The following ZNF892 variants were observed in gnomAD, a reference collection of about 807,000 sequenced individuals.
ZNF892 encodes zinc finger protein 892.
chr2:95,208,396 A>G, the ZNF892 span, among the ~76,000 whole-genome samples: 175 of 152,342 alleles, frequency 1.1e-3, no homozygotes, highest in Admixed American at 2.4e-3. Flanking sequence ...ACTACTTAGC[A>G]CATGCAATAT....
the ZNF892 span, among the ~76,000 whole-genome samples, chr2:95,258,907 G>A: frequency 4.6e-5 from 7 of 152,168 alleles, no homozygotes; most frequent in Non-Finnish European, 1.0e-4. Flanking sequence ...ACACATTTAT[G>A]TAAGTTTTAC....
At chr2:95,229,322 A>G in the ZNF892 span, among the ~76,000 whole-genome samples, 1 of 152,198 alleles carries the variant, frequency 6.6e-6, no homozygotes, top group Non-Finnish European at 1.5e-5. Flanking sequence ...GATCTTCAGT[A>G]TATGCTTGGT....
At chr2:95,254,881 A>T in the ZNF892 span, among the ~76,000 whole-genome samples, 1 of 152,180 alleles carries the variant, frequency 6.6e-6, no homozygotes, top group African/African-American at 2.4e-5. Flanking sequence ...AGGTGTTTAT[A>T]GTATTCTCTG....
At chr2:95,251,463 G>A in the ZNF892 span, among the ~76,000 whole-genome samples, 1 of 152,194 alleles carries the variant, frequency 6.6e-6, no homozygotes, top group Non-Finnish European at 1.5e-5. Flanking sequence ...CTTAACATTA[G>A]TTAGCCTTTC....
At chr2:95,247,075 G>C in the ZNF892 span, among the ~76,000 whole-genome samples, 1 of 152,130 alleles carries the variant, frequency 6.6e-6, no homozygotes, top group Non-Finnish European at 1.5e-5. Flanking sequence ...AAAGCACAAA[G>C]CTGGAAGCAT....
At chr2:95,210,191 GTGTATATA>G in the ZNF892 span, among the ~76,000 whole-genome samples, 1 of 146,474 alleles carries the variant, frequency 6.8e-6, no homozygotes. Context: ...ATATGTATAT[GTGTATATA>G]TGTATATATG....
the ZNF892 span, among the ~76,000 whole-genome samples, chr2:95,223,621 G>A: frequency 6.6e-6 from 1 of 152,068 alleles, no homozygotes; most frequent in African/African-American, 2.4e-5. Flanking sequence ...GGCTGGTCTT[G>A]AAATCATGAG....
the ZNF892 span, among the ~76,000 whole-genome samples, chr2:95,227,707 C>T: frequency 6.6e-6 from 1 of 152,064 alleles, no homozygotes; most frequent in Non-Finnish European, 1.5e-5. Context: ...ACCTTGAACT[C>T]CTGGGCTCAA....
the ZNF892 span, among the ~76,000 whole-genome samples, chr2:95,226,928 A>G: frequency 6.6e-6 from 1 of 152,172 alleles, no homozygotes; most frequent in Admixed American, 6.5e-5. Flanking sequence ...TTGAGTCCCA[A>G]AGTCCCAGGG....
chr2:95,211,851 T>C, the ZNF892 span: 7 of 396,982 alleles, frequency 1.8e-5, no homozygotes, highest in Non-Finnish European at 3.1e-5. Flanking sequence ...AGGCAATTTC[T>C]GCCTTTTGTT....
At chr2:95,234,262 A>G in the ZNF892 span, among the ~76,000 whole-genome samples, 1 of 152,248 alleles carries the variant, frequency 6.6e-6, no homozygotes, top group East Asian at 1.9e-4. Flanking sequence ...AGGAGCATTT[A>G]TTTGGAAACA....
At chr2:95,207,907 G>A in the ZNF892 span, 1 of 398,532 alleles carries the variant, frequency 2.5e-6, no homozygotes, top group East Asian at 3.6e-5. Context: ...ACCTCTGGCT[G>A]GCGCAGGCTC....
At chr2:95,215,911 G>C in the ZNF892 span, among the ~76,000 whole-genome samples, 1 of 152,174 alleles carries the variant, frequency 6.6e-6, no homozygotes, top group Non-Finnish European at 1.5e-5. Flanking sequence ...CATCTTGACT[G>C]TGCCAGGTAT....
At chr2:95,257,341 A>C in the ZNF892 span, among the ~76,000 whole-genome samples, 2 of 152,136 alleles carry the variant, frequency 1.3e-5, no homozygotes, top group Non-Finnish European at 2.9e-5. Context: ...TCTACTCCAG[A>C]CCCTGTTTGC....
At chr2:95,235,306 C>A in the ZNF892 span, among the ~76,000 whole-genome samples, 1 of 152,026 alleles carries the variant, frequency 6.6e-6, no homozygotes, top group Non-Finnish European at 1.5e-5. Flanking sequence ...GTTTAATGCA[C>A]CTCCTGGTTT....
chr2:95,219,889 A>G, the ZNF892 span, among the ~76,000 whole-genome samples: 3 of 152,202 alleles, frequency 2.0e-5, no homozygotes, highest in Non-Finnish European at 4.4e-5. Flanking sequence ...TGCTGACACC[A>G]CACTGGCTGG....
the ZNF892 span, among the ~76,000 whole-genome samples, chr2:95,227,607 C>T: frequency 2.6e-5 from 4 of 151,858 alleles, no homozygotes; most frequent in Non-Finnish European, 5.9e-5. Flanking sequence ...CAGGCCTGAG[C>T]CACTGCGCCC....
chr2:95,245,414 T>A, the ZNF892 span, among the ~76,000 whole-genome samples: 7 of 145,386 alleles, frequency 4.8e-5, no homozygotes, highest in Non-Finnish European at 9.0e-5. Flanking sequence ...ACCCGGCTAA[T>A]TTTTTGTATT....
the ZNF892 span, among the ~76,000 whole-genome samples, chr2:95,258,115 G>A: frequency 3.9e-5 from 6 of 152,154 alleles, no homozygotes; most frequent in Non-Finnish European, 7.3e-5. Context: ...GATGAACCTG[G>A]TACCTCAGTT....
Sources: gnomAD v4.1 joint callset for allele counts (sites outside exome capture counted in the v4.1 genomes callset) on GRCh38, gnomAD v4.1.1 for gene constraint, MANE v1.5 for transcripts, NCBI Gene and HGNC (gene_info 2026-07-23, HGNC 2026-07-21) for gene names.